DAAM1: variants seen among roughly 807,000 people sequenced by gnomAD.
DAAM1 encodes disheveled-associated activator of morphogenesis 1.
A neutral mutation model predicts 130.0 loss-of-function variants in DAAM1; 52 were observed. The ratio of observed to expected loss-of-function variants is 0.40; its 90% CI spans 0.32 to 0.50. The LOEUF (loss-of-function observed/expected upper bound fraction) is 0.50, where lower values mean the gene tolerates loss of function less well. Ranked by LOEUF, DAAM1 falls within the 20% of genes least tolerant of loss-of-function variation. DAAM1 has a pLI of 0.61. For missense variants in DAAM1, 1,134 were observed against 1,303.8 expected, an observed-to-expected ratio of 0.87 and a Z score of 2.01; for synonymous variants, 452 against 444.5, an observed-to-expected ratio of 1.02 and a Z score of -0.21.
chr14:59,224,462 T>A (rs1039324698), intron 1 of DAAM1, among the ~76,000 whole-genome samples: 2 of 152,242 alleles, frequency 1.3e-5, no homozygotes, highest in African/African-American at 4.8e-5. Context: ...GCAGTTCTAA[T>A]GTCCATTTGG....
intron 2 of DAAM1, among the ~76,000 whole-genome samples, chr14:59,286,497 T>G (rs764924996): frequency 6.6e-6 from 1 of 152,094 alleles, no homozygotes; most frequent in Non-Finnish European, 1.5e-5. Flanking sequence ...AATTTAATCT[T>G]TCTTGGAAAG....
rs1262739173 is a variant in DAAM1, at chr14:59,369,442, C to CTGTAAA, written c.*587_*592dup. ...TCTGACATTGGTGTGGGGATACAGTCTGTAAATGTTTATTGAGAACATCTT... is the reference window on the plus strand; with the variant it reads ...TCTGACATTGGTGTGGGGATACAGTCTGTAAATGTAAATGTTTATTGAGAACATCTT... On this transcript the variant is annotated 3_prime_UTR_variant, in exon 25 of 25. Transcript: ENST00000360909. 2 of 152,530 alleles carry CTGTAAA rather than the reference C, an allele frequency of 1.3e-5. No homozygotes were observed. The highest frequency in any genetic ancestry group is 4.8e-5 in the African/African-American group (2 of 41,422). The allele number at this position is 152,530 out of a possible 1,614,324, so 9.4% of individuals were successfully genotyped here. A position where few individuals can be genotyped will look rare whatever the true frequency, so the allele number is the denominator to read the frequency against.
intron 12 of DAAM1, among the ~76,000 whole-genome samples, chr14:59,327,813 G>A (rs1040955574): frequency 3.3e-5 from 5 of 152,242 alleles, no homozygotes; most frequent in South Asian, 2.1e-4. Flanking sequence ...TATGTGTTAC[G>A]AAACATTAGC....
In DAAM1 at chr14:59,225,019, G is replaced by GTTTTTTTTTT. The variant is rs869233694; in HGVS notation, c.-38+36269_-38+36278dup. The stretch of plus-strand genomic sequence containing the variant: ...GACTGTAAGAAATAAATCTGTGTGG[G>GTTTTTTTTTT]TTTTTTTTTTTTTTTTTTTTTTTTT... On this transcript the variant is annotated intron_variant, in intron 1 of 24. Transcript: ENST00000360909. Among the ~76,000 whole-genome samples, 76 of 90,796 alleles carry GTTTTTTTTTT rather than the reference G, an allele frequency of 8.4e-4. 3 individuals carry two copies. The highest frequency in any genetic ancestry group is 1.6e-3 in the South Asian group (4 of 2,480). 59.6% of individuals were successfully genotyped at this position (90,796 alleles called of 152,430 possible).
intron 2 of DAAM1, among the ~76,000 whole-genome samples, chr14:59,289,094 T>G (rs905849678): frequency 1.3e-5 from 2 of 152,124 alleles, no homozygotes; most frequent in Non-Finnish European, 2.9e-5. Context: ...CTTTTGTATT[T>G]TTAGTAGAGA....
At chr14:59,320,679 C>T (rs1291554733) in intron 5 of DAAM1, 95 bp downstream of exon 5, 3 of 851,212 alleles carry the variant, frequency 3.5e-6, no homozygotes, top group East Asian at 2.8e-5. Context: ...AAGTTAAAAC[C>T]ATAAAATTAA....
intron 1 of DAAM1, among the ~76,000 whole-genome samples, chr14:59,251,529 A>G (rs1436400102): frequency 1.3e-5 from 2 of 151,768 alleles, no homozygotes; most frequent in Non-Finnish European, 2.9e-5. Context: ...GAGGTCGGGC[A>G]AGTTCTGAGT....
intron 3 of DAAM1, among the ~76,000 whole-genome samples, chr14:59,309,517 A>G (rs1884496917): frequency 1.3e-5 from 2 of 152,224 alleles, no homozygotes; most frequent in Admixed American, 1.3e-4. Flanking sequence ...TTGACAAACT[A>G]TGGCCCGTGG....
rs544393357 is a variant in DAAM1, at chr14:59,342,724, G to A, written c.2075+2544G>A. Among the ~76,000 whole-genome samples, 22 of 152,248 alleles carry A rather than the reference G, an allele frequency of 1.4e-4. 1 individual carries two copies. In the Middle Eastern group the frequency reaches 0.01, roughly 71 times the overall value. ...ATGACACCTGTGAGAAGATTTGTGC[G>A]CAGTTCAGGGCTTACACTGGTCTGA... is the stretch of plus-strand genomic sequence containing the variant. On this transcript the variant is annotated intron_variant, in intron 16 of 24. Coordinates refer to ENST00000360909, the MANE Select transcript of DAAM1 (RefSeq NM_001270520.2).
chr14:59,231,206 G>A (rs1401601659), intron 1 of DAAM1, among the ~76,000 whole-genome samples: 1 of 152,056 alleles, frequency 6.6e-6, no homozygotes, highest in Non-Finnish European at 1.5e-5. Flanking sequence ...AATCATAATT[G>A]CATATATTTA....
intron 2 of DAAM1, among the ~76,000 whole-genome samples, chr14:59,287,021 A>C (rs1049702287): frequency 1.7e-4 from 26 of 152,314 alleles, no homozygotes; most frequent in African/African-American, 5.8e-4. Context: ...ATGAAGGTAG[A>C]TGCAAGAATC....
At chr14:59,253,462 G>A (rs571491073) in intron 1 of DAAM1, among the ~76,000 whole-genome samples, 8 of 152,238 alleles carry the variant, frequency 5.3e-5, no homozygotes, top group East Asian at 1.9e-4. Context: ...AGTAATCTTC[G>A]CATAAAAGTA....
chr14:59,215,972 G>C (rs1478419112), intron 1 of DAAM1, among the ~76,000 whole-genome samples: 2 of 152,156 alleles, frequency 1.3e-5, no homozygotes, highest in African/African-American at 4.8e-5. Context: ...CCATATGAAT[G>C]ACAGGCTTGT....
At chr14:59,292,461 G>A (rs1005394858) in intron 3 of DAAM1, among the ~76,000 whole-genome samples, 2 of 152,086 alleles carry the variant, frequency 1.3e-5, no homozygotes, top group African/African-American at 4.8e-5. Context: ...ACTCAATAAA[G>A]GGACTCTCTC....
At chr14:59,261,070 A>C (rs1190178592) in intron 1 of DAAM1, among the ~76,000 whole-genome samples, 3 of 152,232 alleles carry the variant, frequency 2.0e-5, no homozygotes, top group South Asian at 2.1e-4. Flanking sequence ...TATGAGAGCC[A>C]GGGCTCTGCT....
intron 1 of DAAM1, among the ~76,000 whole-genome samples, chr14:59,230,996 T>C (rs995350467): frequency 1.3e-5 from 2 of 152,202 alleles, no homozygotes; most frequent in Non-Finnish European, 2.9e-5. Flanking sequence ...GTCAATGTCT[T>C]ATGCTGCTTA....
intron 2 of DAAM1, 125 bp downstream of exon 2, chr14:59,263,785 C>T (rs1882298454): frequency 8.4e-7 from 1 of 1,188,058 alleles, no homozygotes; most frequent in Non-Finnish European, 1.2e-6. Context: ...CCCCATTCAC[C>T]TTTATGTCTG....
intron 3 of DAAM1, among the ~76,000 whole-genome samples, chr14:59,310,258 C>T (rs1478340076): frequency 1.3e-5 from 2 of 151,708 alleles, no homozygotes; most frequent in African/African-American, 2.4e-5. Flanking sequence ...TACAGGCATG[C>T]GCCGCCATGC....
At chr14:59,193,952 C>G (rs1456269684) in intron 1 of DAAM1, among the ~76,000 whole-genome samples, 4 of 152,188 alleles carry the variant, frequency 2.6e-5, no homozygotes. Flanking sequence ...CTTTCTAATA[C>G]TTTCCATGGG....
Sources: gnomAD v4.1 joint callset for allele counts (sites outside exome capture counted in the v4.1 genomes callset) on GRCh38, gnomAD v4.1.1 for gene constraint, MANE v1.5 for transcripts, NCBI Gene and HGNC (gene_info 2026-07-23, HGNC 2026-07-21) for gene names.